The following AK5 variants were observed in gnomAD, a reference collection of about 807,000 sequenced individuals.
The protein encoded by AK5 is adenylate kinase isoenzyme 5.
AK5 carries 27 observed loss-of-function variants against 69.5 expected under a neutral mutation model. The observed-to-expected ratio is 0.39, with a 90% CI of 0.29 to 0.54. The LOEUF (loss-of-function observed/expected upper bound fraction) is 0.54, where lower values mean the gene tolerates loss of function less well. Ranked by LOEUF, AK5 falls within the 20% of genes least tolerant of loss-of-function variation. AK5 has a pLI of 0.71. For missense variants in AK5, 531 were observed against 700.4 expected (o/e 0.76, Z 2.73); for synonymous variants, 260 against 244.4 (o/e 1.06, Z -0.60).
chr1:77,324,593 G>A (rs1198494750), intron 5 of AK5, among the ~76,000 whole-genome samples: 1 of 151,998 alleles, frequency 6.6e-6, no homozygotes, highest in Non-Finnish European at 1.5e-5. Flanking sequence ...CCTGAATGGG[G>A]CCACACCCCC....
At chr1:77,504,947 T>A (rs1172797605) in intron 10 of AK5, among the ~76,000 whole-genome samples, 1 of 152,238 alleles carries the variant, frequency 6.6e-6, no homozygotes, top group East Asian at 1.9e-4. Context: ...AACTTTTGCT[T>A]TTATTAAAAA....
At chr1:77,452,164 C>T (rs1653197460) in intron 8 of AK5, among the ~76,000 whole-genome samples, 1 of 152,170 alleles carries the variant, frequency 6.6e-6, no homozygotes, top group African/African-American at 2.4e-5. Context: ...CCTGCACAAG[C>T]ATCCATTATA....
At chr1:77,351,784 C>G (rs1481905710) in intron 6 of AK5, among the ~76,000 whole-genome samples, 1 of 152,100 alleles carries the variant, frequency 6.6e-6, no homozygotes, top group Non-Finnish European at 1.5e-5. Flanking sequence ...GAGTTTTTAG[C>G]TTTACAACCT....
intron 5 of AK5, among the ~76,000 whole-genome samples, chr1:77,339,312 AG>A (rs1299591525): frequency 6.6e-6 from 1 of 152,222 alleles, no homozygotes; most frequent in Non-Finnish European, 1.5e-5. Context: ...TCCCATTCTC[AG>A]TTGTAAGCTG....
At chr1:77,284,277 G>A (rs1658225399) in intron 1 of AK5, among the ~76,000 whole-genome samples, 1 of 152,198 alleles carries the variant, frequency 6.6e-6, no homozygotes, top group Non-Finnish European at 1.5e-5. Flanking sequence ...TGTGATTAGT[G>A]TAGACTGTAA....
At chr1:77,395,720 A>G (rs1487849307) in intron 6 of AK5, among the ~76,000 whole-genome samples, 2 of 152,212 alleles carry the variant, frequency 1.3e-5, no homozygotes, top group Non-Finnish European at 2.9e-5. Flanking sequence ...ACAAAACATA[A>G]CCTCAAACAA....
At chr1:77,482,208 T>A (rs1165344688) in intron 8 of AK5, among the ~76,000 whole-genome samples, 1 of 152,228 alleles carries the variant, frequency 6.6e-6, no homozygotes, top group African/African-American at 2.4e-5. Context: ...AAAATCTGTA[T>A]AAGTGGTTAC....
At chr1:77,314,931 A>G (rs1374564657) in intron 5 of AK5, 1 of 152,142 alleles carries the variant, frequency 6.6e-6, no homozygotes, top group Non-Finnish European at 1.5e-5. Flanking sequence ...ACAGATATTT[A>G]TTGAGATGCT....
intron 5 of AK5, among the ~76,000 whole-genome samples, chr1:77,324,738 T>C (rs1009060565): frequency 1.3e-5 from 2 of 150,816 alleles, no homozygotes; most frequent in Non-Finnish European, 3.0e-5. Context: ...GGAAGTAGGG[T>C]TGTAGTTAAA....
At chr1:77,399,060 G>C (rs1649022449) in intron 6 of AK5, among the ~76,000 whole-genome samples, 1 of 152,002 alleles carries the variant, frequency 6.6e-6, no homozygotes, top group Admixed American at 6.6e-5. Context: ...AATCCTCTTG[G>C]TATTTACTAC....
rs1557533097 is a variant in AK5, at chr1:77,367,630, A to AT, written c.891+27062_891+27063insT. On this transcript the variant is annotated intron_variant, in intron 6 of 13. Coordinates refer to ENST00000354567, the MANE Select transcript of AK5 (RefSeq NM_174858.3). ...TATGTAATATATATGTTATATATGTAATATATATGTTATGTTATATATGTT... is the reference window on the plus strand; with the variant it reads ...TATGTAATATATATGTTATATATGTATATATATATGTTATGTTATATATGTT... Among the ~76,000 whole-genome samples, 6 of 56,040 alleles carry AT rather than the reference A, an allele frequency of 1.1e-4. 1 individual carries two copies. Among genetic ancestry groups the AT allele is most frequent in the Non-Finnish European group, 2.1e-4 (6 of 29,040 alleles). 36.8% of individuals were successfully genotyped at this position (56,040 alleles called of 152,430 possible).
chr1:77,429,647 G>A (rs1651460986), intron 8 of AK5, among the ~76,000 whole-genome samples: 1 of 151,762 alleles, frequency 6.6e-6, no homozygotes, highest in African/African-American at 2.4e-5. Flanking sequence ...GATGTGGTTG[G>A]TGAGGTGAGG....
chr1:77,515,074 C>T (rs1449265023), intron 10 of AK5, among the ~76,000 whole-genome samples: 1 of 152,196 alleles, frequency 6.6e-6, no homozygotes, highest in Non-Finnish European at 1.5e-5. Flanking sequence ...TTACAGTAAA[C>T]ATAGCATTAG....
At chr1:77,407,766 A>G (rs1170596576) in intron 6 of AK5, among the ~76,000 whole-genome samples, 2 of 152,018 alleles carry the variant, frequency 1.3e-5, no homozygotes, top group Non-Finnish European at 2.9e-5. Flanking sequence ...TAGTTTTTCA[A>G]ACTTTGTCCC....
In AK5 at chr1:77,391,471, A is replaced by ATGTG. The variant is rs66907899; in HGVS notation, c.892-19502_892-19499dup. Among the ~76,000 whole-genome samples the ATGTG allele has an allele frequency of 2.0e-4, 12 of 60,268 alleles. 1 individual carries two copies. Among genetic ancestry groups the ATGTG allele is most frequent in the Non-Finnish European group, 4.1e-4 (12 of 29,132 alleles). The allele number at this position is 60,268 out of a possible 152,430, so 39.5% of individuals were successfully genotyped here. A position where few individuals can be genotyped will look rare whatever the true frequency, so the allele number is the denominator to read the frequency against. On this transcript the variant is annotated intron_variant, in intron 6 of 13. Transcript: ENST00000354567. Reference sequence around the variant, plus strand: ...TGTGTGTGTATATATATATACACATATGTGTGTGTGTATGTGTGTGTGTGT... The same window carrying ATGTG: ...TGTGTGTGTATATATATATACACATATGTGTGTGTGTGTGTATGTGTGTGTGTGT...
chr1:77,502,589 G>A (rs371256937), intron 10 of AK5, among the ~76,000 whole-genome samples: 3 of 152,062 alleles, frequency 2.0e-5, no homozygotes, highest in African/African-American at 7.2e-5. Flanking sequence ...GCCTCCTCCT[G>A]GAAAATCCAG....
chr1:77,299,445 C>T (rs925354711), intron 5 of AK5, among the ~76,000 whole-genome samples: 4 of 152,044 alleles, frequency 2.6e-5, no homozygotes, highest in East Asian at 1.9e-4. Flanking sequence ...GGGCAGTTCA[C>T]GGCCAGGGGT....
At chr1:77,402,174 T>C (rs1649258454) in intron 6 of AK5, among the ~76,000 whole-genome samples, 1 of 152,156 alleles carries the variant, frequency 6.6e-6, no homozygotes, top group South Asian at 2.1e-4. Context: ...TGTAAATAAA[T>C]TTTTATTCCT....
intron 13 of AK5, among the ~76,000 whole-genome samples, chr1:77,550,262 A>G (rs1456112573): frequency 2.0e-5 from 3 of 152,202 alleles, no homozygotes; most frequent in Non-Finnish European, 2.9e-5. Context: ...TCTTGAAGTC[A>G]GAAGCAAATC....
Sources: gnomAD v4.1 joint callset for allele counts (sites outside exome capture counted in the v4.1 genomes callset) on GRCh38, gnomAD v4.1.1 for gene constraint, MANE v1.5 for transcripts, NCBI Gene and HGNC (gene_info 2026-07-23, HGNC 2026-07-21) for gene names.